Variants in LTBP1 observed in about 807,000 individuals in gnomAD.
The protein encoded by LTBP1 is latent transforming growth factor beta binding protein 1, also known as latent-transforming growth factor beta-binding protein 1.
In LTBP1, 129 loss-of-function variants were observed where a neutral mutation model predicts 207.6. That is an observed-to-expected ratio of 0.62 (90% confidence interval 0.54 to 0.72). The LOEUF is 0.72. Ranked by LOEUF, LTBP1 falls within the 30% of genes least tolerant of loss-of-function variation. LTBP1 has a pLI of 0.00. For missense variants in LTBP1, 2,281 were observed against 2,217.2 expected (o/e 1.03, Z -0.58); for synonymous variants, 963 against 833.7 (o/e 1.16, Z -2.67).
intron 19 of LTBP1, among the ~76,000 whole-genome samples, chr2:33,286,641 A>G (rs919870816): frequency 2.0e-5 from 3 of 152,208 alleles, no homozygotes; most frequent in Admixed American, 6.5e-5. Context: ...CTGTGTATCT[A>G]TATGCCAGAG....
rs572339375 is a variant in LTBP1 at position 33,161,344 on chromosome 2, C to T, written c.1202-25512C>T. Among the ~76,000 whole-genome samples, 6 of 150,486 alleles carry T rather than the reference C, an allele frequency of 4.0e-5. No homozygotes were observed. In the East Asian group the frequency reaches 1.2e-3, roughly 30 times the overall value. On this transcript the variant is annotated intron_variant, in intron 5 of 33. Transcript: ENST00000404816. Reference sequence around the variant, plus strand: ...ACATGATTTCAGCTCTGTGCAACCTCCCAACCTCCACCTCCCAGGTTCAAG... The same window carrying T: ...ACATGATTTCAGCTCTGTGCAACCTTCCAACCTCCACCTCCCAGGTTCAAG...
At chr2:33,330,052 G>A (rs2094476023) in intron 24 of LTBP1, among the ~76,000 whole-genome samples, 1 of 151,956 alleles carries the variant, frequency 6.6e-6, no homozygotes, top group South Asian at 2.1e-4. Flanking sequence ...ATTTGTCTTA[G>A]TGTTTTGTTG....
chr2:32,986,641 C>G (rs990340021), intron 2 of LTBP1, among the ~76,000 whole-genome samples: 3 of 152,168 alleles, frequency 2.0e-5, no homozygotes, highest in Non-Finnish European at 2.9e-5. Flanking sequence ...CAGGGCCCTT[C>G]TAAGCACAGC....
intron 24 of LTBP1, among the ~76,000 whole-genome samples, chr2:33,321,193 A>G (rs1042439404): frequency 1.3e-5 from 2 of 152,198 alleles, no homozygotes; most frequent in Admixed American, 6.5e-5. Context: ...TTCTTGTCAC[A>G]TCTAGCCTGA....
intron 7 of LTBP1, among the ~76,000 whole-genome samples, chr2:33,193,303 A>G (rs1440578281): frequency 1.3e-5 from 2 of 151,968 alleles, no homozygotes; most frequent in African/African-American, 4.8e-5. Context: ...CACCACACCC[A>G]GCTAATTTTT....
chr2:33,023,566 G>A (rs919226758), intron 3 of LTBP1, among the ~76,000 whole-genome samples: 2 of 152,018 alleles, frequency 1.3e-5, no homozygotes, highest in African/African-American at 4.8e-5. Flanking sequence ...TGTATATATG[G>A]GTGTGCCTAC....
At chr2:33,034,212 T>C (rs1250039808) in intron 3 of LTBP1, among the ~76,000 whole-genome samples, 4 of 145,086 alleles carry the variant, frequency 2.8e-5, no homozygotes, top group Middle Eastern at 3.2e-3. Context: ...AGACGAGACT[T>C]GAAGGATTGT....
chr2:32,999,463 A>C (rs1685774564), intron 2 of LTBP1, among the ~76,000 whole-genome samples: 1 of 80,368 alleles, frequency 1.2e-5, no homozygotes, highest in Non-Finnish European at 2.9e-5. Context: ...TCACACCTAA[A>C]GGATAAGACT....
intron 3 of LTBP1, among the ~76,000 whole-genome samples, chr2:33,095,009 C>T (rs1360412974): frequency 2.0e-5 from 3 of 151,982 alleles, no homozygotes; most frequent in African/African-American, 7.2e-5. Flanking sequence ...GCTATGAAAC[C>T]AAAAACTAAG....
At chr2:33,296,147 A>G (rs2093871213) in intron 20 of LTBP1, among the ~76,000 whole-genome samples, 1 of 152,234 alleles carries the variant, frequency 6.6e-6, no homozygotes, top group African/African-American at 2.4e-5. Context: ...CTCAAGCCTT[A>G]GGAGTCATGG....
At chr2:33,312,544 A>G (rs1461781677) in intron 23 of LTBP1, among the ~76,000 whole-genome samples, 1 of 152,158 alleles carries the variant, frequency 6.6e-6, no homozygotes, top group Non-Finnish European at 1.5e-5. Context: ...AAGAAACCCA[A>G]CTTAAATATA....
chr2:33,270,020 G>A lies in LTBP1; in HGVS notation c.2618-3636G>A, dbSNP rs186998162. On this transcript the variant is annotated intron_variant, in intron 15 of 33. Coordinates refer to ENST00000404816, the MANE Select transcript of LTBP1 (RefSeq NM_206943.4). ...TCGCCCTGTCACTCAGGGTTCAAGC[G>A]ATTCTCCTGCCTCAGCCTCCCGAAT... Among the ~76,000 whole-genome samples the A allele has an allele frequency of 4.8e-5, 7 of 147,120 alleles. No individual in the cohort carries two copies. The East Asian group carries it at 8.2e-4, about 17-fold the overall frequency.
intron 11 of LTBP1, among the ~76,000 whole-genome samples, chr2:33,255,948 A>G (rs1192600303): frequency 6.6e-6 from 1 of 152,100 alleles, no homozygotes; most frequent in African/African-American, 2.4e-5. Context: ...CCAACACCAA[A>G]GGGATTAGGT....
At chr2:33,030,763 G>A (rs759212014) in intron 3 of LTBP1, among the ~76,000 whole-genome samples, 4 of 152,092 alleles carry the variant, frequency 2.6e-5, no homozygotes, top group African/African-American at 7.2e-5. Flanking sequence ...GACTAAATGC[G>A]GCTTCTGTCA....
intron 26 of LTBP1, among the ~76,000 whole-genome samples, chr2:33,350,907 G>A (rs2094772519): frequency 6.6e-6 from 1 of 152,068 alleles, no homozygotes; most frequent in Non-Finnish European, 1.5e-5. Context: ...CTTGATTGGT[G>A]TACAGAGGAA....
chr2:33,071,622 A>G (rs139801789), intron 3 of LTBP1, among the ~76,000 whole-genome samples: 16 of 114,954 alleles, frequency 1.4e-4, no homozygotes, highest in African/African-American at 3.7e-4. Flanking sequence ...GAATTCAAGT[A>G]TAGGCTAGGT....
At chr2:33,320,655 G>A (rs2094341128) in intron 24 of LTBP1, among the ~76,000 whole-genome samples, 1 of 152,188 alleles carries the variant, frequency 6.6e-6, no homozygotes, top group African/African-American at 2.4e-5. Flanking sequence ...GGCAGCCGAG[G>A]ACTTTCTTGC....
chr2:33,198,613 T>C (rs2088842267), intron 7 of LTBP1, among the ~76,000 whole-genome samples: 1 of 152,236 alleles, frequency 6.6e-6, no homozygotes, highest in Non-Finnish European at 1.5e-5. Context: ...AACTTCTTCC[T>C]GGTTTAGTCT....
At chr2:33,078,857 C>CTTTTTTTTTTT (rs879714056) in intron 3 of LTBP1, among the ~76,000 whole-genome samples, 22 of 92,152 alleles carry the variant, frequency 2.4e-4, no homozygotes, top group South Asian at 1.9e-3. Context: ...CTTTTCTTTT[C>CTTTTTTTTTTT]TTTTCTTTTT....
Sources: allele counts gnomAD v4.1 joint callset (sites outside exome capture counted in the v4.1 genomes callset), GRCh38; gene constraint gnomAD v4.1.1; transcripts MANE v1.5; gene names NCBI Gene and HGNC (gene_info 2026-07-23, HGNC 2026-07-21).